The following GRIN2A variants were observed in gnomAD, a reference collection of about 807,000 sequenced individuals.
The protein encoded by GRIN2A is glutamate receptor ionotropic, NMDA 2A.
In GRIN2A, 22 loss-of-function variants were observed where a neutral mutation model predicts 113.4. The ratio of observed to expected loss-of-function variants is 0.19; its 90% CI spans 0.14 to 0.28. The LOEUF (loss-of-function observed/expected upper bound fraction) is 0.28. Ranked by LOEUF, GRIN2A falls within the 10% of genes least tolerant of loss-of-function variation. The pLI, the probability that GRIN2A is intolerant of heterozygous loss-of-function variation, is 1.00. For synonymous variants in GRIN2A, 827 were observed against 738.4 expected (o/e 1.12, Z -1.94); for missense variants, 1,502 against 1,887.0 (o/e 0.80, Z 3.78).
chr16:9,952,183 C>G (rs1258955773), intron 2 of GRIN2A, among the ~76,000 whole-genome samples: 1 of 152,170 alleles, frequency 6.6e-6, no homozygotes, highest in Non-Finnish European at 1.5e-5. Flanking sequence ...AACCCACCCT[C>G]AGCATGCTCC....
At chr16:10,095,656 G>C (rs1348260052) in intron 2 of GRIN2A, among the ~76,000 whole-genome samples, 1 of 151,980 alleles carries the variant, frequency 6.6e-6, no homozygotes, top group African/African-American at 2.4e-5. Context: ...TCCTAGTGCA[G>C]GTTTCTAAGC....
chr16:9,988,317 A>G (rs1532932), intron 2 of GRIN2A, among the ~76,000 whole-genome samples: 113,283 of 151,684 alleles, frequency 0.75, 42,404 homozygotes, highest in Middle Eastern at 0.84. Flanking sequence ...GTGACACAGA[A>G]AGAGGTCTTA....
At chr16:9,827,883 A>G (rs991502777) in intron 9 of GRIN2A, among the ~76,000 whole-genome samples, 1 of 152,176 alleles carries the variant, frequency 6.6e-6, no homozygotes. Context: ...TCCCCCAGAC[A>G]ATTTTAGTCT....
At chr16:9,918,152 A>C (rs2044287603) in intron 3 of GRIN2A, among the ~76,000 whole-genome samples, 1 of 152,216 alleles carries the variant, frequency 6.6e-6, no homozygotes, top group African/African-American at 2.4e-5. Context: ...GATGACAAAA[A>C]TGAAGCTCAG....
intron 3 of GRIN2A, among the ~76,000 whole-genome samples, chr16:9,900,977 G>A (rs185259809): frequency 3.9e-5 from 6 of 152,284 alleles, no homozygotes; most frequent in East Asian, 1.9e-4. Flanking sequence ...GCAGATGTGC[G>A]TGCATGTTGC....
intron 2 of GRIN2A, among the ~76,000 whole-genome samples, chr16:10,023,092 A>C (rs1010516317): frequency 2.0e-4 from 31 of 152,210 alleles, no homozygotes; most frequent in African/African-American, 7.2e-4. Flanking sequence ...CTGTAAAAAG[A>C]GGGCTCTACC....
chr16:9,992,881 G>A (rs117104372), intron 2 of GRIN2A, among the ~76,000 whole-genome samples: 2,783 of 152,022 alleles, frequency 0.018, 38 homozygotes, highest in Non-Finnish European at 0.025. Flanking sequence ...AACACTACCC[G>A]TTCCTGCCAT....
At chr16:10,041,634 T>C (rs564255551) in intron 2 of GRIN2A, among the ~76,000 whole-genome samples, 41 of 152,266 alleles carry the variant, frequency 2.7e-4, no homozygotes, top group African/African-American at 9.9e-4. Flanking sequence ...GGGAGTAATA[T>C]TGCCTGTCTC....
At chr16:10,000,360 T>G (rs572661308) in intron 2 of GRIN2A, among the ~76,000 whole-genome samples, 123 of 124,690 alleles carry the variant, frequency 9.9e-4, no homozygotes, top group African/African-American at 3.2e-3. Flanking sequence ...AGAAAGAAAG[T>G]TTTTTTTTCT....
rs868843662 is a variant in GRIN2A, at chr16:9,934,666, C to T, written c.1007+3293G>A. Among the ~76,000 whole-genome samples, 3 of 103,028 alleles carry T rather than the reference C, an allele frequency of 2.9e-5. 1 individual carries two copies. Among genetic ancestry groups the T allele is most frequent in the African/African-American group, 1.2e-4 (3 of 24,610 alleles). 67.6% of individuals were successfully genotyped at this position (103,028 alleles called of 152,430 possible). On this transcript the variant is annotated intron_variant, in intron 3 of 12. Coordinates refer to ENST00000330684, the MANE Select transcript of GRIN2A (RefSeq NM_001134407.3). The stretch of plus-strand genomic sequence containing the variant: ...CAGCACTCCAGTCTGGGAGACAGAG[C>T]GAGACTCTGTCTAAAAAAAAAAAAA...
chr16:10,002,111 A>G (rs988671089), intron 2 of GRIN2A, among the ~76,000 whole-genome samples: 9 of 152,190 alleles, frequency 5.9e-5, no homozygotes, highest in African/African-American at 2.2e-4. Context: ...TACCAGGTGA[A>G]CCTTGAGAAA....
chr16:10,118,766 G>A (rs1352425265), intron 2 of GRIN2A, among the ~76,000 whole-genome samples: 1 of 152,116 alleles, frequency 6.6e-6, no homozygotes, highest in Non-Finnish European at 1.5e-5. Flanking sequence ...GGATCCTGAT[G>A]GTAAATTTTC....
chr16:10,156,987 G>A (rs56709749), intron 2 of GRIN2A, among the ~76,000 whole-genome samples: 19 of 152,328 alleles, frequency 1.2e-4, no homozygotes, highest in African/African-American at 4.6e-4. Flanking sequence ...GTGATGGGGG[G>A]CAGACTGAGG....
chr16:9,964,161 A>C (rs1462409920), intron 2 of GRIN2A, among the ~76,000 whole-genome samples: 2 of 152,338 alleles, frequency 1.3e-5, no homozygotes, highest in African/African-American at 4.8e-5. Flanking sequence ...CCTTGAAGGC[A>C]TGTGTGCAAA....
intron 2 of GRIN2A, among the ~76,000 whole-genome samples, chr16:10,072,914 G>C (rs938833364): frequency 4.0e-5 from 6 of 150,844 alleles, no homozygotes; most frequent in Admixed American, 6.6e-5. Context: ...CAGAGGCAGA[G>C]GCAAGATGAG....
chr16:10,024,503 C>T (rs773870390), intron 2 of GRIN2A, among the ~76,000 whole-genome samples: 2 of 152,208 alleles, frequency 1.3e-5, no homozygotes, highest in African/African-American at 2.4e-5. Flanking sequence ...CAGGCGTGAG[C>T]CAACGTGCCC....
At chr16:9,906,577 C>T (rs1359138283) in intron 3 of GRIN2A, among the ~76,000 whole-genome samples, 1 of 152,128 alleles carries the variant, frequency 6.6e-6, no homozygotes, top group Admixed American at 6.5e-5. Flanking sequence ...GGATCACTGT[C>T]TTTCTGGATT....
At chr16:10,000,315 C>T (rs1023873425) in intron 2 of GRIN2A, among the ~76,000 whole-genome samples, 3 of 152,178 alleles carry the variant, frequency 2.0e-5, no homozygotes, top group African/African-American at 4.8e-5. Context: ...GTGTTAACCA[C>T]TGCGGCTATT....
At chr16:10,067,863 C>T (rs2047678621) in intron 2 of GRIN2A, among the ~76,000 whole-genome samples, 1 of 152,148 alleles carries the variant, frequency 6.6e-6, no homozygotes, top group African/African-American at 2.4e-5. Flanking sequence ...ATATCCACCC[C>T]CTCCACCCCA....
Sources: allele counts gnomAD v4.1 joint callset (sites outside exome capture counted in the v4.1 genomes callset), GRCh38; gene constraint gnomAD v4.1.1; transcripts MANE v1.5; gene names NCBI Gene and HGNC (gene_info 2026-07-23, HGNC 2026-07-21).